MMP26: variants seen among roughly 807,000 people sequenced by gnomAD.
MMP26 encodes the protein matrix metalloproteinase-26.
MMP26 carries 33 observed loss-of-function variants against 31.0 expected under a neutral mutation model. The ratio of observed to expected loss-of-function variants is 1.06; its 90% CI spans 0.81 to 1.42. MMP26 has a LOEUF of 1.42. Ranked by LOEUF, MMP26 falls within the 40% of genes most tolerant of loss-of-function variation. The pLI is 0.00. For missense variants in MMP26, 347 were observed against 316.1 expected, an observed-to-expected ratio of 1.10 and a Z score of -0.74; for synonymous variants, 122 against 114.9, an observed-to-expected ratio of 1.06 and a Z score of -0.40.
At chr11:4,768,975 C>G (rs772041186) in intron 2 of MMP26, 2 of 1,490,806 alleles carry the variant, frequency 1.3e-6, no homozygotes, top group Admixed American at 2.3e-5. Context: ...AAAACTATGT[C>G]TGTTCATTTT....
At position 4,942,089 on chromosome 11, in the gene MMP26, C is replaced by CAAAAAAACAAAAAAAAAAAA. The variant is rs769948564; in HGVS notation, c.-144-45972_-144-45971insCAAAAAAAAAAAAAAAAAAA. The stretch of plus-strand genomic sequence containing the variant: ...TGGGCAGCAGAATGAGAGTCCATCT[C>CAAAAAAACAAAAAAAAAAAA]AAAAAAAAAAAAAAAAAAAAAGGAA... On this transcript the variant is annotated intron_variant, in intron 2 of 7. Coordinates refer to ENST00000380390, the MANE Select transcript of MMP26 (RefSeq NM_021801.5). Among the ~76,000 whole-genome samples, 20 of 37,128 alleles carry CAAAAAAACAAAAAAAAAAAA rather than the reference C, an allele frequency of 5.4e-4. 2 individuals carry two copies. Among genetic ancestry groups the CAAAAAAACAAAAAAAAAAAA allele is most frequent in the African/African-American group, 2.1e-3 (19 of 8,948 alleles). 24.4% of individuals were successfully genotyped at this position (37,128 alleles called of 152,430 possible).
At chr11:4,938,890 G>A (rs1021610356) in intron 2 of MMP26, among the ~76,000 whole-genome samples, 7 of 152,026 alleles carry the variant, frequency 4.6e-5, no homozygotes, top group African/African-American at 1.7e-4. Context: ...CCTCCTTCCT[G>A]TATAGAAGGT....
chr11:4,988,098 A>T lies in MMP26; in HGVS notation c.-114A>T. Reference sequence around the variant, plus strand: ...GATGATGACGCCACTCACAGATTCAAAGAAAGGGCAAACTGGCAGAGTGAG... The same window carrying T: ...GATGATGACGCCACTCACAGATTCATAGAAAGGGCAAACTGGCAGAGTGAG... On this transcript the variant is annotated 5_prime_UTR_variant, in exon 3 of 8. The change creates a premature stop within an existing upstream ORF in the 5' untranslated region. Coordinates refer to ENST00000380390, the MANE Select transcript of MMP26 (RefSeq NM_021801.5). 2 of 943,246 alleles carry T rather than the reference A, an allele frequency of 2.1e-6. No homozygotes were observed. The highest frequency in any genetic ancestry group is 3.5e-6 in the Non-Finnish European group (2 of 575,066). The allele number at this position is 943,246 out of a possible 1,614,324, so 58.4% of individuals were successfully genotyped here. A position where few individuals can be genotyped will look rare whatever the true frequency, so the allele number is the denominator to read the frequency against.
intron 1 of MMP26, among the ~76,000 whole-genome samples, chr11:4,730,691 A>T (rs557305236): frequency 1.3e-5 from 2 of 152,188 alleles, no homozygotes; most frequent in African/African-American, 4.8e-5. Flanking sequence ...GCAGTAAGAC[A>T]TCCCTTAGAG....
intron 2 of MMP26, among the ~76,000 whole-genome samples, chr11:4,964,968 T>A (rs1174131062): frequency 6.6e-6 from 1 of 152,082 alleles, no homozygotes; most frequent in Admixed American, 6.6e-5. Context: ...AGCTAATGGA[T>A]GTTGGGCTTA....
intron 1 of MMP26, among the ~76,000 whole-genome samples, chr11:4,730,327 C>A (rs1445313100): frequency 2.0e-5 from 3 of 151,832 alleles, no homozygotes; most frequent in Non-Finnish European, 2.9e-5. Context: ...ACATTAATAG[C>A]ACCACTAAAG....
At chr11:4,879,231 C>T (rs1474086652) in intron 2 of MMP26, among the ~76,000 whole-genome samples, 1 of 152,044 alleles carries the variant, frequency 6.6e-6, no homozygotes, top group African/African-American at 2.4e-5. Flanking sequence ...GAGATTCTGT[C>T]TCAAGACAGG....
At chr11:4,809,722 A>G (rs1849324880) in intron 2 of MMP26, among the ~76,000 whole-genome samples, 1 of 152,210 alleles carries the variant, frequency 6.6e-6, no homozygotes. Flanking sequence ...CCTGGAGGAC[A>G]CAGTGGAAGC....
rs1237750321 is a variant in MMP26 at position 4,952,533 on chromosome 11, A to G, written c.-144-35535A>G. On this transcript the variant is annotated intron_variant, in intron 2 of 7. Coordinates refer to ENST00000380390, the MANE Select transcript of MMP26 (RefSeq NM_021801.5). ...CAGAAGCAGTTCTTGCCCTGATCTG[A>G]TAATAGGATTTCCTATACTAGGACA... is the stretch of plus-strand genomic sequence containing the variant. 1.6e-5 allele frequency among the ~76,000 whole-genome samples: 2 copies of G among 125,810 alleles called. 1 individual carries two copies. Among genetic ancestry groups the G allele is most frequent in the Non-Finnish European group, 3.6e-5 (2 of 55,476 alleles). The allele number at this position is 125,810 out of a possible 152,430, so 82.5% of individuals were successfully genotyped here. A position where few individuals can be genotyped will look rare whatever the true frequency, so the allele number is the denominator to read the frequency against.
intron 2 of MMP26, among the ~76,000 whole-genome samples, chr11:4,884,380 T>C (rs564706971): frequency 6.6e-6 from 1 of 152,284 alleles, no homozygotes; most frequent in Admixed American, 6.5e-5. Flanking sequence ...TTCAGTATTT[T>C]ACCTTTCAAG....
intron 1 of MMP26, among the ~76,000 whole-genome samples, chr11:4,733,919 C>T (rs1310792100): frequency 6.6e-6 from 1 of 152,110 alleles, no homozygotes; most frequent in Non-Finnish European, 1.5e-5. Flanking sequence ...TTCTTCTACA[C>T]CTTTGAGATG....
chr11:4,932,841 C>T (rs1457466992), intron 2 of MMP26, among the ~76,000 whole-genome samples: 1 of 152,102 alleles, frequency 6.6e-6, no homozygotes, highest in Non-Finnish European at 1.5e-5. Context: ...CTACTCTTCT[C>T]TGTCAAAATA....
intron 2 of MMP26, among the ~76,000 whole-genome samples, chr11:4,852,688 C>T (rs1034765452): frequency 6.6e-5 from 10 of 152,072 alleles, no homozygotes; most frequent in Non-Finnish European, 1.3e-4. Context: ...AATAAAACCA[C>T]CATATTATTC....
At chr11:4,715,815 G>A (rs1245395261) in intron 1 of MMP26, among the ~76,000 whole-genome samples, 3 of 152,188 alleles carry the variant, frequency 2.0e-5, no homozygotes, top group Non-Finnish European at 1.5e-5. Context: ...GGGTGTGTGA[G>A]TGGGGCCTGT....
intron 2 of MMP26, chr11:4,803,838 G>A: frequency 2.5e-6 from 4 of 1,612,940 alleles, no homozygotes; most frequent in Non-Finnish European, 3.4e-6. Flanking sequence ...TGTGCTCACA[G>A]TATGACTGGG....
intron 2 of MMP26, chr11:4,769,461 G>T (rs201937374): frequency 6.2e-7 from 1 of 1,612,666 alleles, no homozygotes; most frequent in Non-Finnish European, 8.5e-7. Context: ...ACTATAGCAC[G>T]TGTAATCATC....
chr11:4,901,348 G>A (rs1850799509), intron 2 of MMP26, among the ~76,000 whole-genome samples: 1 of 151,832 alleles, frequency 6.6e-6, no homozygotes, highest in Non-Finnish European at 1.5e-5. Context: ...TTTTAGTAGA[G>A]ACGGGGTTTC....
At chr11:4,743,102 AAAAT>A (rs903218694) in intron 1 of MMP26, among the ~76,000 whole-genome samples, 9 of 152,154 alleles carry the variant, frequency 5.9e-5, no homozygotes, top group Admixed American at 1.3e-4. Flanking sequence ...ATTTTAATAA[AAAAT>A]AAACTATAGT....
chr11:4,924,075 A>G (rs1851230855), intron 2 of MMP26: 1 of 1,614,184 alleles, frequency 6.2e-7, no homozygotes, highest in South Asian at 1.1e-5. Context: ...CTGGTATCAA[A>G]CCAGAAAATG....
Sources: allele counts gnomAD v4.1 joint callset (sites outside exome capture counted in the v4.1 genomes callset), GRCh38; gene constraint gnomAD v4.1.1; transcripts MANE v1.5; gene names NCBI Gene and HGNC (gene_info 2026-07-23, HGNC 2026-07-21).